The following ARID3B variants were observed in gnomAD, a reference collection of about 807,000 sequenced individuals.
The protein encoded by ARID3B is AT-rich interactive domain-containing protein 3B.
In ARID3B, 10 loss-of-function variants were observed where a neutral mutation model predicts 51.9. The ratio of observed to expected loss-of-function variants is 0.19; its 90% CI spans 0.12 to 0.33. The LOEUF is 0.33. ARID3B is among the 10% of genes least tolerant of loss of function. ARID3B has a pLI of 1.00. For missense variants in ARID3B, 483 were observed against 716.3 expected (o/e 0.67, Z 3.72); for synonymous variants, 205 against 279.5 (o/e 0.73, Z 2.66).
intron 2 of ARID3B, among the ~76,000 whole-genome samples, chr15:74,545,491 G>C (rs542732308): frequency 4.7e-4 from 72 of 152,276 alleles, no homozygotes; most frequent in African/African-American, 1.5e-3. Context: ...GGGAATCTTT[G>C]TTTTCAACCA....
At chr15:74,559,370 G>A (rs1296584576) in intron 2 of ARID3B, among the ~76,000 whole-genome samples, 4 of 152,206 alleles carry the variant, frequency 2.6e-5, no homozygotes, top group South Asian at 2.1e-4. Context: ...AAGAAGCGAG[G>A]GAGATGGTGG....
chr15:74,559,068 T>C (rs528439100), intron 2 of ARID3B, among the ~76,000 whole-genome samples: 3 of 152,320 alleles, frequency 2.0e-5, no homozygotes, highest in East Asian at 3.9e-4. Context: ...TCTGGCTTTA[T>C]GCAGTTGTTT....
chr15:74,585,812 G>T (rs986404837), intron 4 of ARID3B, among the ~76,000 whole-genome samples: 3 of 152,210 alleles, frequency 2.0e-5, no homozygotes, highest in Non-Finnish European at 2.9e-5. Flanking sequence ...TAAGCACAAA[G>T]CAAACTGCTG....
intron 2 of ARID3B, among the ~76,000 whole-genome samples, chr15:74,544,793 C>T (rs1248851671): frequency 2.0e-5 from 3 of 150,672 alleles, no homozygotes; most frequent in Non-Finnish European, 4.4e-5. Context: ...CAGGTTCAAG[C>T]GATTCTCCTG....
intron 2 of ARID3B, among the ~76,000 whole-genome samples, chr15:74,560,996 A>T (rs1401416545): frequency 1.3e-5 from 2 of 152,066 alleles, no homozygotes; most frequent in Non-Finnish European, 1.5e-5. Context: ...GTCTTTTCAT[A>T]TGTTTATGAA....
In ARID3B at chr15:74,591,791, T is replaced by C. The variant is rs375176479; in HGVS notation, c.1397T>C (p.Met466Thr). The C allele has an allele frequency of 1.7e-5, 27 of 1,613,818 alleles. No homozygotes were observed. The highest frequency in any genetic ancestry group is 3.3e-4 in the Middle Eastern group (2 of 6,080). ...TTCAGCATGGCACGGCAGCTCCCCATGAAGATCAGGATCAACGGCAGGGGT... is the reference window on the plus strand; with the variant it reads ...TTCAGCATGGCACGGCAGCTCCCCACGAAGATCAGGATCAACGGCAGGGGT... ...NFFSMARQLP[M>T]KIRINGREDR... The change falls in exon 7 of 9, where the codon ATG (methionine) becomes ACG (threonine). Residue 466 changes from methionine (M) to threonine (T), a missense_variant. Physicochemically the swap from Met to Thr is moderately conservative, Grantham distance 81. Coordinates refer to ENST00000346246, the MANE Select transcript of ARID3B (RefSeq NM_006465.4). The surrounding 1 kb of genome is among the most constrained non-coding windows in gnomAD (Gnocchi z 5.8).
intron 2 of ARID3B, among the ~76,000 whole-genome samples, chr15:74,555,204 T>G (rs534715961): frequency 6.6e-6 from 1 of 152,344 alleles, no homozygotes; most frequent in Non-Finnish European, 1.5e-5. Flanking sequence ...GTAATCTTTT[T>G]GTTGATAGAA....
At chr15:74,582,036 G>A (rs1299253915) in intron 4 of ARID3B, among the ~76,000 whole-genome samples, 1 of 152,208 alleles carries the variant, frequency 6.6e-6, no homozygotes, top group Non-Finnish European at 1.5e-5. Flanking sequence ...CCCCAGCCCA[G>A]CCAGCCTTCC....
At chr15:74,589,152 C>T (rs781075346) in intron 4 of ARID3B, among the ~76,000 whole-genome samples, 12 of 149,864 alleles carry the variant, frequency 8.0e-5, no homozygotes, top group Non-Finnish European at 1.8e-4. Context: ...CTCAGCCTTC[C>T]GAGTAGCTGG....
At chr15:74,574,902 TG>T (rs1282609561) in intron 4 of ARID3B, 2 of 150,080 alleles carry the variant, frequency 1.3e-5, no homozygotes, top group Admixed American at 1.3e-4. Context: ...CTCAGGAGGC[TG>T]AGGCAGGAGA....
intron 2 of ARID3B, among the ~76,000 whole-genome samples, chr15:74,555,420 G>A (rs1157442198): frequency 6.6e-6 from 1 of 152,060 alleles, no homozygotes; most frequent in East Asian, 1.9e-4. Flanking sequence ...GCCTCGACCT[G>A]TTGGGCTCAT....
Position 74,597,027 on chromosome 15 carries a change from G to C in ARID3B, c.*1253G>C. ...CGGGCCCTGAAACTGTACCAGTTCT[G>C]AAGACCGTTTTCTGCCACACCCCCA... On this transcript the variant is annotated 3_prime_UTR_variant, in exon 9 of 9. Transcript: ENST00000346246. The C allele has an allele frequency of 4.2e-6, 1 of 236,592 alleles. No homozygotes were observed. The highest frequency in any genetic ancestry group is 8.3e-6 in the Non-Finnish European group (1 of 120,084). The allele number at this position is 236,592 out of a possible 1,614,324, so 14.7% of individuals were successfully genotyped here.
rs1233916747 is a variant in ARID3B, at chr15:74,591,263, A to G, written c.994A>G (p.Ser332Gly). The change falls in exon 6 of 9, where the codon AGC (serine) becomes GGC (glycine). Residue 332 changes from serine to glycine, a missense_variant. Around this residue, in one of 3 missense-constraint regions of ARID3B, gnomAD observed 265 missense variants for 354.4 expected, o/e 0.75. Transcript: ENST00000346246. This position sits in a 1 kb window ranked among gnomAD's most constrained non-coding sequence, Gnocchi z 5.8. ...CAGGGAGGGCCGGCGGCCCAGCTAC[A>G]GCTCCTCCCTCTTTGGCTACTCACC... is the stretch of plus-strand genomic sequence containing the variant. ...NRREGRRPSY[S>G]SSLFGYSPAA... 6 of 1,613,948 alleles carry G rather than the reference A, an allele frequency of 3.7e-6. No homozygotes were observed. The Admixed American group carries it at 6.7e-5, about 18-fold the overall frequency.
chr15:74,587,200 T>A (rs2061784795), intron 4 of ARID3B, among the ~76,000 whole-genome samples: 1 of 152,206 alleles, frequency 6.6e-6, no homozygotes, highest in Non-Finnish European at 1.5e-5. Context: ...TTAATAAGAT[T>A]GGCTGCAGTG....
intron 2 of ARID3B, among the ~76,000 whole-genome samples, chr15:74,548,803 A>G (rs1181472724): frequency 6.6e-6 from 1 of 152,164 alleles, no homozygotes; most frequent in Non-Finnish European, 1.5e-5. Flanking sequence ...AAATGGGAAG[A>G]ATTGCCATGT....
Position 74,597,394 on chromosome 15 carries a change from A to C in ARID3B, c.*1620A>C, listed in dbSNP as rs1457861775. 3 of 446,144 alleles carry C rather than the reference A, an allele frequency of 6.7e-6. No homozygotes were observed. The highest frequency in any genetic ancestry group is 5.9e-5 in the African/African-American group (3 of 50,548). The allele number at this position is 446,144 out of a possible 1,614,324, so 27.6% of individuals were successfully genotyped here. On this transcript the variant is annotated 3_prime_UTR_variant, in exon 9 of 9. Transcript: ENST00000346246. ...GCTCGCATTCAGTCCTGTGTAGGAG[A>C]GGAAAGGGAATCAAAAGCTTGAGCA...
In ARID3B at chr15:74,542,520, C is replaced by T. The variant is rs1016365244; in HGVS notation, c.-78+1190C>T. Reference sequence around the variant, plus strand: ...TTGGCCTAGCTTTAAAAATTGTACCCTTTTTTACTCTAACCTGGAAAAAAT... The same window carrying T: ...TTGGCCTAGCTTTAAAAATTGTACCTTTTTTTACTCTAACCTGGAAAAAAT... On this transcript the variant is annotated intron_variant, in intron 1 of 8. Transcript: ENST00000346246. Among the ~76,000 whole-genome samples, 4 of 152,288 alleles carry T rather than the reference C, an allele frequency of 2.6e-5. No homozygotes were observed. The East Asian group carries it at 7.7e-4, about 29-fold the overall frequency.
In ARID3B at chr15:74,595,707, G is replaced by A. The variant is rs2061822447; in HGVS notation, c.1616G>A (p.Cys539Tyr). Reference sequence around the variant, plus strand: ...GCCAGCAGCAGCAGCAGCTCTCACTGTTCACCAAGTCCTACCTCATCCCGG... The same window carrying A: ...GCCAGCAGCAGCAGCAGCTCTCACTATTCACCAAGTCCTACCTCATCCCGG... ...SSASSSSSSHCSPSPTSSRGT... is the reference protein window; with the variant it reads ...SSASSSSSSHYSPSPTSSRGT... Residue 539 changes from cysteine (C) to tyrosine (Y), a missense_variant, in exon 9 of 9, where the codon TGT becomes TAT. Transcript: ENST00000346246. The A allele has an allele frequency of 6.2e-7, 1 of 1,613,444 alleles. No homozygotes were observed. Among genetic ancestry groups the A allele is most frequent in the African/African-American group, 1.3e-5 (1 of 74,908 alleles).
rs779409973 is a variant in ARID3B, at chr15:74,591,705, G to T, written c.1311G>T (p.Lys437Asn). Reference sequence around the variant, plus strand: ...AGTCAGGGGAGCCTGCTGAGAAGAAGGCATCGAGGCTGTCTGAGGAGGAGC... The same window carrying T: ...AGTCAGGGGAGCCTGCTGAGAAGAATGCATCGAGGCTGTCTGAGGAGGAGC... ...RLESGEPAEK[K>N]ASRLSEEEQR... Residue 437 changes from lysine to asparagine, a missense_variant, in exon 7 of 9, where the codon AAG (lysine) becomes AAT (asparagine). By Grantham distance (94) the Lys-to-Asn change is moderately conservative. Around this residue, in one of 3 missense-constraint regions of ARID3B, gnomAD observed 265 missense variants for 354.4 expected, o/e 0.75. Transcript: ENST00000346246. The surrounding 1 kb of genome is among the most constrained non-coding windows in gnomAD (Gnocchi z 5.8). 3 of 1,613,712 alleles carry T rather than the reference G, an allele frequency of 1.9e-6. No homozygotes were observed. The highest frequency in any genetic ancestry group is 1.3e-5 in the African/African-American group (1 of 74,944).
Sources: allele counts gnomAD v4.1 joint callset (sites outside exome capture counted in the v4.1 genomes callset), GRCh38; gene constraint gnomAD v4.1.1; regional missense constraint gnomAD v4.1.1; non-coding constraint Gnocchi (gnomAD v3.1); transcripts MANE v1.5; gene names NCBI Gene and HGNC (gene_info 2026-07-23, HGNC 2026-07-21).